PTK7: variants seen among roughly 807,000 people sequenced by gnomAD.
PTK7 encodes protein tyrosine kinase 7 (inactive).
PTK7 carries 39 observed loss-of-function variants against 116.6 expected under a neutral mutation model. The observed-to-expected ratio is 0.33, with a 90% CI of 0.26 to 0.44. PTK7 has a LOEUF of 0.44. PTK7 is among the 20% of genes least tolerant of loss of function. The pLI is 1.00. For missense variants in PTK7, 1,169 were observed against 1,425.6 expected (o/e 0.82, Z 2.90); for synonymous variants, 546 against 563.6 (o/e 0.97, Z 0.44).
In PTK7 at chr6:43,159,843, G is replaced by A; in HGVS notation, c.2929G>A (p.Ala977Thr). 1 of 1,614,234 alleles carries A rather than the reference G, an allele frequency of 6.2e-7. No individual in the cohort carries two copies. The highest frequency in any genetic ancestry group is 8.5e-7 in the Non-Finnish European group (1 of 1,180,038). ...GCCGCTGCGCTGGATGTCCCCCGAG[G>A]CCATCCTGGAGGGTGACTTCTCTAC... ...WVPLRWMSPEAILEGDFSTKS... is the reference protein window; with the variant it reads ...WVPLRWMSPETILEGDFSTKS... The change falls in exon 19 of 20, where the codon GCC becomes ACC. Residue 977 changes from alanine (A) to threonine (T), a missense_variant. Ala to Thr is a moderately conservative substitution (Grantham distance 58, BLOSUM62 0). Around this residue, in one of 3 missense-constraint regions of PTK7, gnomAD observed 678 missense variants for 853.8 expected, o/e 0.79. Coordinates refer to ENST00000230419, the MANE Select transcript of PTK7 (RefSeq NM_002821.5).
Position 43,128,955 on chromosome 6 carries a change from T to G in PTK7, c.80-22T>G, listed in dbSNP as rs902812172. Reference sequence around the variant, plus strand: ...GGCTGCAGCTCCCCCTGACCCTGCCTCTCCCCTGTTTGCATCTACAGGTAC... The same window carrying G: ...GGCTGCAGCTCCCCCTGACCCTGCCGCTCCCCTGTTTGCATCTACAGGTAC... On this transcript the variant is annotated intron_variant, in intron 1 of 19. Transcript: ENST00000230419. The G allele has an allele frequency of 3.2e-6, 5 of 1,582,282 alleles. No individual in the cohort carries two copies. In the African/African-American group the frequency reaches 6.7e-5, roughly 21 times the overall value.
chr6:43,107,288 C>G lies in PTK7; in HGVS notation c.80-21689C>G, dbSNP rs529960375. Among the ~76,000 whole-genome samples the G allele has an allele frequency of 2.5e-3, 379 of 152,274 alleles. 2 individuals are homozygous for G. Among genetic ancestry groups the G allele is most frequent in the Non-Finnish European group, 4.4e-3 (298 of 68,022 alleles). ...TCTCTTGTGTGCCCTTTGCACCCAC[C>G]CATCATCCTGTGTGATAATACAGCA... On this transcript the variant is annotated intron_variant, in intron 1 of 19. Transcript: ENST00000230419.
intron 1 of PTK7, among the ~76,000 whole-genome samples, chr6:43,081,156 G>A (rs1044427235): frequency 1.3e-5 from 2 of 152,188 alleles, no homozygotes; most frequent in Middle Eastern, 3.4e-3. Flanking sequence ...GCCAGTCCCC[G>A]GTTGTACATT....
At position 43,076,800 on chromosome 6, in the gene PTK7, G is replaced by A. The variant is rs1182416985; in HGVS notation, c.79+233G>A. ...CCCCTCCCACTCGCGCCGCGGGGAC[G>A]CATTTCCAGCCTCCCTGAGTTTTTC... On this transcript the variant is annotated intron_variant, in intron 1 of 19. Transcript: ENST00000230419. The surrounding 1 kb of genome is among the most constrained non-coding windows in gnomAD (Gnocchi z 5.7). 7.1e-7 allele frequency: 1 copy of A among 1,407,796 alleles called. No homozygotes were observed. Among genetic ancestry groups the A allele is most frequent in the African/African-American group, 1.5e-5 (1 of 68,270 alleles). The allele number at this position is 1,407,796 out of a possible 1,614,324, so 87.2% of individuals were successfully genotyped here.
chr6:43,152,804 G>C (rs1771206346), intron 17 of PTK7, among the ~76,000 whole-genome samples: 1 of 150,636 alleles, frequency 6.6e-6, no homozygotes, highest in South Asian at 2.1e-4. Flanking sequence ...GTATTCTTTA[G>C]AGACAGAGTC....
intron 1 of PTK7, among the ~76,000 whole-genome samples, chr6:43,124,040 T>G (rs948826228): frequency 6.6e-5 from 10 of 152,152 alleles, no homozygotes; most frequent in African/African-American, 2.2e-4. Context: ...CGGGGTCACG[T>G]GGCCTGCATC....
In PTK7 at chr6:43,141,357, G is replaced by A. The variant is rs1464509950; in HGVS notation, c.1619-311G>A. On this transcript the variant is annotated intron_variant, in intron 10 of 19. Transcript: ENST00000230419. This position sits in a 1 kb window ranked among gnomAD's most constrained non-coding sequence, Gnocchi z 4.9. The stretch of plus-strand genomic sequence containing the variant: ...TCTACAGCCTGGGATGGTAAAGAGC[G>A]GGAATGGGCTCTAGGAGGGAGAAGT... 4.6e-5 allele frequency among the ~76,000 whole-genome samples: 7 copies of A among 152,096 alleles called. No individual in the cohort carries two copies. Among genetic ancestry groups the A allele is most frequent in the East Asian group, 1.9e-4 (1 of 5,188 alleles).
At chr6:43,118,926 A>G (rs977257986) in intron 1 of PTK7, among the ~76,000 whole-genome samples, 1 of 150,746 alleles carries the variant, frequency 6.6e-6, no homozygotes, top group African/African-American at 2.4e-5. Context: ...GCGCCACCAC[A>G]TTTGGCTTAT....
intron 17 of PTK7, among the ~76,000 whole-genome samples, chr6:43,156,792 AG>A (rs1561989374): frequency 6.6e-6 from 1 of 152,134 alleles, no homozygotes; most frequent in African/African-American, 2.4e-5. Context: ...GCTACTTGGG[AG>A]GCTGAGGCAG....
At position 43,138,914 on chromosome 6, in the gene PTK7, G is replaced by T; in HGVS notation, c.1294G>T (p.Asp432Tyr). ...QLEEGKPGYL[D>Y]CLTQATPKPT... ...GGAGGAGGGCAAACCCGGCTACTTG[G>T]ATTGCCTGACCCAGGCCACACCAAA... Residue 432 changes from aspartate to tyrosine, a missense_variant, in exon 8 of 20, where the codon GAT (aspartate) becomes TAT (tyrosine). Asp to Tyr is a radical substitution (Grantham distance 160, BLOSUM62 -3). Coordinates refer to ENST00000230419, the MANE Select transcript of PTK7 (RefSeq NM_002821.5). The T allele has an allele frequency of 6.2e-7, 1 of 1,614,190 alleles. No homozygotes were observed. The highest frequency in any genetic ancestry group is 8.5e-7 in the Non-Finnish European group (1 of 1,180,026).
At position 43,130,289 on chromosome 6, in the gene PTK7, C is replaced by G. The variant is rs772601615; in HGVS notation, c.530C>G (p.Thr177Arg). ...CTTTCTGATGGTCAGAGCAACCACA[C>G]AGTCAGCAGCAAGGAGCGGAACCTG... ...TPLSDGQSNH[T>R]VSSKERNLTL... Residue 177 changes from threonine (T) to arginine (R), a missense_variant, in exon 4 of 20, where the codon ACA (threonine) becomes AGA (arginine). This residue lies in a region of PTK7 where 487 missense variants were observed against 549.8 expected (regional missense o/e 0.89). Transcript: ENST00000230419. 6.2e-7 allele frequency: 1 copy of G among 1,610,448 alleles called. No homozygotes were observed. The highest frequency in any genetic ancestry group is 1.1e-5 in the South Asian group (1 of 90,928).
At chr6:43,099,432 A>G (rs1207992352) in intron 1 of PTK7, among the ~76,000 whole-genome samples, 1 of 152,076 alleles carries the variant, frequency 6.6e-6, no homozygotes, top group Non-Finnish European at 1.5e-5. Flanking sequence ...TCAGGGTATC[A>G]CCATGTTGCC....
chr6:43,120,857 C>T (rs1478119267), intron 1 of PTK7, among the ~76,000 whole-genome samples: 1 of 152,092 alleles, frequency 6.6e-6, no homozygotes, highest in Non-Finnish European at 1.5e-5. Context: ...TTCCTTCCAT[C>T]TCATCACACC....
At chr6:43,106,101 T>C (rs1034610294) in intron 1 of PTK7, among the ~76,000 whole-genome samples, 4 of 152,010 alleles carry the variant, frequency 2.6e-5, no homozygotes, top group African/African-American at 7.3e-5. Context: ...TTTTTTGTTG[T>C]TGGGGGACAG....
intron 1 of PTK7, among the ~76,000 whole-genome samples, chr6:43,087,400 C>G (rs1012767434): frequency 3.3e-5 from 5 of 152,112 alleles, no homozygotes; most frequent in Non-Finnish European, 1.5e-5. Flanking sequence ...CTCTTGTTTC[C>G]TCTCTCCCTG....
At chr6:43,130,043 C>A (rs1222446759) in intron 3 of PTK7, among the ~76,000 whole-genome samples, 187 bp from the exon 4 acceptor site, 1 of 152,118 alleles carries the variant, frequency 6.6e-6, no homozygotes, top group Admixed American at 6.5e-5. Flanking sequence ...GCTGGGAGAT[C>A]TAATATCAAC....
intron 17 of PTK7, 36 bp downstream of exon 17, chr6:43,146,734 GC>G: frequency 6.3e-7 from 1 of 1,590,888 alleles, no homozygotes. Context: ...GGGAGAGGGT[GC>G]CCAGGGGTGG....
Position 43,139,271 on chromosome 6 carries a change from G to A in PTK7, c.1498G>A (p.Glu500Lys), listed in dbSNP as rs775234118. 6 of 1,614,150 alleles carry A rather than the reference G, an allele frequency of 3.7e-6. No individual in the cohort carries two copies. Among genetic ancestry groups the A allele is most frequent in the Non-Finnish European group, 5.1e-6 (6 of 1,180,054 alleles). Reference sequence around the variant, plus strand: ...GGCGCAAGCCCGTGTCCAAGTGCTGGGTGAGCCAGCATGTCTTGGGGGAGC... The same window carrying A: ...GGCGCAAGCCCGTGTCCAAGTGCTGAGTGAGCCAGCATGTCTTGGGGGAGC... ...IEAQARVQVL[E>K]KLKFTPPPQP... The change falls in exon 9 of 20, where the codon GAA (glutamate) becomes AAA (lysine). Residue 500 changes from glutamate (E) to lysine (K), a missense_variant and splice_region_variant. By Grantham distance (56) the Glu-to-Lys change is moderately conservative. Coordinates refer to ENST00000230419, the MANE Select transcript of PTK7 (RefSeq NM_002821.5). This position sits in a 1 kb window ranked among gnomAD's most constrained non-coding sequence, Gnocchi z 4.6.
chr6:43,158,852 G>A lies in PTK7; in HGVS notation c.2757G>A (p.Glu919=). Residue 919 remains glutamate, a synonymous_variant, in exon 18 of 20, where the codon GAG becomes GAA. Transcript: ENST00000230419. ...ALCTQVALGM[E]HLSNNRFVHK... ...GCACCCAGGTAGCCCTGGGCATGGAGCACCTGTCCAACAACCGCTTTGTGC... is the reference window on the plus strand; with the variant it reads ...GCACCCAGGTAGCCCTGGGCATGGAACACCTGTCCAACAACCGCTTTGTGC... 1 of 1,614,188 alleles carries A rather than the reference G, an allele frequency of 6.2e-7. No homozygotes were observed. Among genetic ancestry groups the A allele is most frequent in the Non-Finnish European group, 8.5e-7 (1 of 1,180,020 alleles).
Sources: allele counts gnomAD v4.1 joint callset (sites outside exome capture counted in the v4.1 genomes callset), GRCh38; gene constraint gnomAD v4.1.1; regional missense constraint gnomAD v4.1.1; non-coding constraint Gnocchi (gnomAD v3.1); transcripts MANE v1.5; gene names NCBI Gene and HGNC (gene_info 2026-07-23, HGNC 2026-07-21).